The following TGFBR3 variants were observed in gnomAD, a reference collection of about 807,000 sequenced individuals.
TGFBR3 encodes transforming growth factor beta receptor type 3.
A neutral mutation model predicts 87.9 loss-of-function variants in TGFBR3; 46 were observed. The observed-to-expected ratio is 0.52, with a 90% CI of 0.41 to 0.67. The LOEUF is 0.67. Among genes scored for constraint, TGFBR3 ranks in the 30% least tolerant of loss-of-function variants. The pLI is 0.00. For missense variants in TGFBR3, 866 were observed against 1,041.9 expected, an observed-to-expected ratio of 0.83 and a Z score of 2.32; for synonymous variants, 381 against 391.6, an observed-to-expected ratio of 0.97 and a Z score of 0.32.
intron 2 of TGFBR3, among the ~76,000 whole-genome samples, chr1:91,810,082 A>G (rs562860556): frequency 6.6e-6 from 1 of 152,280 alleles, no homozygotes; most frequent in African/African-American, 2.4e-5. Context: ...GGACGGGGAC[A>G]AGGTCTGGCT....
intron 2 of TGFBR3, among the ~76,000 whole-genome samples, chr1:91,856,314 C>T (rs1353239466): frequency 6.6e-6 from 1 of 152,188 alleles, no homozygotes; most frequent in African/African-American, 2.4e-5. Context: ...AATCTGCCCG[C>T]CTCGGCCTCC....
chr1:91,782,204 C>T (rs1049997395), intron 3 of TGFBR3, among the ~76,000 whole-genome samples: 13 of 152,068 alleles, frequency 8.5e-5, no homozygotes, highest in Admixed American at 1.3e-4. Flanking sequence ...AGCCCCCTGG[C>T]CAAAAGCACC....
chr1:91,850,080 CA>C (rs376631972), intron 2 of TGFBR3, among the ~76,000 whole-genome samples: 2,092 of 52,126 alleles, frequency 0.04, 7 homozygotes, highest in African/African-American at 0.093. Context: ...GACTCCATCT[CA>C]AAAAAAAAAA....
intron 3 of TGFBR3, among the ~76,000 whole-genome samples, chr1:91,777,736 G>A (rs914471220): frequency 3.3e-5 from 5 of 152,150 alleles, no homozygotes; most frequent in African/African-American, 1.2e-4. Flanking sequence ...GCGATGAGAT[G>A]TTTCTACGTC....
intron 1 of TGFBR3, among the ~76,000 whole-genome samples, chr1:91,903,874 TTAAAACTTAG>T (rs1281912165): frequency 6.6e-6 from 1 of 152,056 alleles, no homozygotes; most frequent in African/African-American, 2.4e-5. Flanking sequence ...ACATCTAACA[TTAAAACTTAG>T]TAAAACTGGC....
intron 2 of TGFBR3, among the ~76,000 whole-genome samples, chr1:91,797,979 T>C (rs934725180): frequency 3.3e-5 from 5 of 152,164 alleles, no homozygotes; most frequent in Non-Finnish European, 1.5e-5. Flanking sequence ...GGGCCAGAGC[T>C]GTACAGCAAA....
intron 2 of TGFBR3, among the ~76,000 whole-genome samples, chr1:91,818,718 G>C (rs762528207): frequency 2.1e-4 from 32 of 152,154 alleles, no homozygotes; most frequent in Non-Finnish European, 1.5e-5. Context: ...TGTAAACACA[G>C]ACCACGTTTG....
chr1:91,803,573 CT>C (rs1260958538), intron 2 of TGFBR3, among the ~76,000 whole-genome samples: 1 of 151,516 alleles, frequency 6.6e-6, no homozygotes, highest in African/African-American at 2.4e-5. Flanking sequence ...AATGTAAACT[CT>C]TTTTTTTATA....
intron 2 of TGFBR3, among the ~76,000 whole-genome samples, chr1:91,852,795 A>T (rs185298160): frequency 7.9e-5 from 12 of 152,332 alleles, no homozygotes; most frequent in Admixed American, 1.3e-4. Flanking sequence ...GATAACTGGT[A>T]TCACATTTGA....
intron 2 of TGFBR3, among the ~76,000 whole-genome samples, chr1:91,846,712 GT>G (rs928126444): frequency 1.5e-4 from 23 of 151,426 alleles, no homozygotes; most frequent in African/African-American, 5.3e-4. Context: ...TGTATACTAG[GT>G]TTTTTTTTAC....
chr1:91,795,777 C>T (rs1445333313), intron 3 of TGFBR3, among the ~76,000 whole-genome samples: 1 of 152,188 alleles, frequency 6.6e-6, no homozygotes, highest in Non-Finnish European at 1.5e-5. Context: ...GAATTAAAGG[C>T]ACATTACTGG....
intron 16 of TGFBR3, among the ~76,000 whole-genome samples, chr1:91,684,422 G>T (rs1443467011): frequency 1.3e-5 from 2 of 152,168 alleles, no homozygotes; most frequent in African/African-American, 4.8e-5. Flanking sequence ...GAGAAACCGG[G>T]GTGGGGGATA....
At chr1:91,731,212 T>G (rs575212895) in intron 5 of TGFBR3, among the ~76,000 whole-genome samples, 8 of 152,322 alleles carry the variant, frequency 5.3e-5, no homozygotes, top group African/African-American at 1.9e-4. Context: ...AAGTCTCACT[T>G]TGGAGTAAGG....
intron 4 of TGFBR3, among the ~76,000 whole-genome samples, chr1:91,743,137 C>T (rs1483986626): frequency 6.6e-6 from 1 of 152,214 alleles, no homozygotes; most frequent in African/African-American, 2.4e-5. Flanking sequence ...AGCACAGACA[C>T]CATTTTCCTG....
upstream of TGFBR3, among the ~76,000 whole-genome samples, chr1:91,890,746 G>T (rs954672274): frequency 5.3e-5 from 8 of 151,968 alleles, no homozygotes; most frequent in Non-Finnish European, 8.8e-5. Flanking sequence ...ATTAGGAAAT[G>T]ATGCACAGAG....
chr1:91,784,771 G>A (rs756728108), intron 3 of TGFBR3, among the ~76,000 whole-genome samples: 9 of 152,276 alleles, frequency 5.9e-5, no homozygotes, highest in African/African-American at 9.6e-5. Context: ...CAAGGGATCC[G>A]ATGCAGGGGC....
chr1:91,838,175 C>G (rs1476832843), intron 2 of TGFBR3, among the ~76,000 whole-genome samples: 2 of 152,108 alleles, frequency 1.3e-5, no homozygotes, highest in Admixed American at 1.3e-4. Flanking sequence ...GATATCTCTT[C>G]TGTATTATTC....
intron 2 of TGFBR3, among the ~76,000 whole-genome samples, chr1:91,859,383 A>C (rs1046365153): frequency 2.4e-5 from 3 of 125,406 alleles, no homozygotes; most frequent in Admixed American, 1.0e-4. Context: ...TTTTCCATCA[A>C]GCCGCTTCTC....
chr1:91,751,055 C>T (rs1009667493), intron 4 of TGFBR3, among the ~76,000 whole-genome samples: 13 of 152,188 alleles, frequency 8.5e-5, no homozygotes, highest in African/African-American at 3.1e-4. Flanking sequence ...AGATCCTCCA[C>T]AGCTAGCACA....
Sources: allele counts gnomAD v4.1 joint callset (sites outside exome capture counted in the v4.1 genomes callset), GRCh38; gene constraint gnomAD v4.1.1; transcripts MANE v1.5; gene names NCBI Gene and HGNC (gene_info 2026-07-23, HGNC 2026-07-21).